ABR: variants seen among roughly 807,000 people sequenced by gnomAD.
ABR encodes the protein active breakpoint cluster region-related protein.
In ABR, 35 loss-of-function variants were observed where a neutral mutation model predicts 107.2. That is an observed-to-expected ratio of 0.33 (90% CI 0.25 to 0.43). ABR has a LOEUF of 0.43. ABR is among the 20% of genes least tolerant of loss of function. The probability of loss-of-function intolerance (pLI) is 1.00; values close to 1 mark genes in which losing one functional copy is unlikely to be tolerated. For missense variants in ABR, 815 were observed against 1,115.2 expected, an observed-to-expected ratio of 0.73 and a Z score of 3.83; for synonymous variants, 498 against 462.0, an observed-to-expected ratio of 1.08 and a Z score of -1.00.
intron 1 of ABR, among the ~76,000 whole-genome samples, chr17:1,202,876 G>A (rs2042696075): frequency 7.9e-6 from 1 of 127,110 alleles, no homozygotes; most frequent in Non-Finnish European, 1.6e-5. Flanking sequence ...AGTAATTGCT[G>A]TTTTTGCCAT....
At chr17:1,133,243 G>A (rs1235803136) in intron 1 of ABR, among the ~76,000 whole-genome samples, 39 of 138,398 alleles carry the variant, frequency 2.8e-4, no homozygotes, top group Non-Finnish European at 1.1e-4. Flanking sequence ...ACTCCGTCTC[G>A]AAAAAAAAAA....
chr17:1,217,244 C>T (rs893672001), intron 1 of ABR, among the ~76,000 whole-genome samples: 4 of 152,198 alleles, frequency 2.6e-5, no homozygotes, highest in Admixed American at 2.6e-4. Context: ...CACCGTCCCC[C>T]CCAAGGCTGC....
intron 16 of ABR, among the ~76,000 whole-genome samples, chr17:1,017,161 C>T (rs949533627): frequency 3.9e-5 from 6 of 152,060 alleles, no homozygotes; most frequent in African/African-American, 1.5e-4. Flanking sequence ...ACACGGGAAG[C>T]GTGAGGCCAT....
At chr17:1,031,562 C>A (rs1409394679) in intron 16 of ABR, 8 of 1,068,190 alleles carry the variant, frequency 7.5e-6, no homozygotes, top group Middle Eastern at 3.5e-4. Flanking sequence ...CGCCCCCGAG[C>A]CCCCACCCCC....
intron 16 of ABR, among the ~76,000 whole-genome samples, chr17:1,034,752 G>C (rs781497253): frequency 1.3e-5 from 2 of 152,138 alleles, no homozygotes; most frequent in African/African-American, 4.8e-5. Context: ...CTGGTGCCGT[G>C]ACTTAACTTC....
At chr17:1,168,198 A>G (rs1196652664) in intron 1 of ABR, among the ~76,000 whole-genome samples, 3 of 152,178 alleles carry the variant, frequency 2.0e-5, no homozygotes, top group East Asian at 3.9e-4. Context: ...AGGCAGGAGA[A>G]TCACTGGAAC....
At chr17:1,132,568 G>A (rs181872953) in intron 1 of ABR, among the ~76,000 whole-genome samples, 4 of 151,884 alleles carry the variant, frequency 2.6e-5, no homozygotes, top group East Asian at 2.0e-4. Context: ...TAGTAAAGAC[G>A]GGGTTTCACC....
intron 16 of ABR, among the ~76,000 whole-genome samples, chr17:1,020,282 C>T (rs954409881): frequency 7.9e-5 from 12 of 152,188 alleles, no homozygotes; most frequent in South Asian, 4.1e-4. Context: ...GGGGTTTCAC[C>T]GTGTTGGCCA....
upstream of ABR, among the ~76,000 whole-genome samples, chr17:1,189,093 G>A (rs1334208599): frequency 2.0e-5 from 3 of 152,144 alleles, no homozygotes; most frequent in African/African-American, 4.8e-5. Flanking sequence ...GAGCTGGCAC[G>A]AGAAACTAGC....
chr17:1,108,921 G>A (rs764513539), intron 2 of ABR: 190 of 1,583,634 alleles, frequency 1.2e-4, no homozygotes, highest in South Asian at 5.8e-4. Context: ...CCCAGGGCGT[G>A]TCACGCTCCC....
intron 1 of ABR, among the ~76,000 whole-genome samples, chr17:1,158,073 C>T (rs1446070689): frequency 6.6e-6 from 1 of 152,080 alleles, no homozygotes; most frequent in African/African-American, 2.4e-5. Flanking sequence ...AGCGTGACCA[C>T]CCCTGAGTAA....
intron 3 of ABR, among the ~76,000 whole-genome samples, chr17:1,098,724 G>C (rs1400234207): frequency 6.6e-6 from 1 of 152,186 alleles, no homozygotes; most frequent in Non-Finnish European, 1.5e-5. Flanking sequence ...CCCCTCACTT[G>C]GAAAACAGCT....
intron 10 of ABR, among the ~76,000 whole-genome samples, chr17:1,064,750 A>G (rs1456214547): frequency 9.7e-5 from 12 of 124,002 alleles, no homozygotes; most frequent in East Asian, 5.0e-4. Flanking sequence ...TCCTCTAGAC[A>G]CTGTTGTTAT....
chr17:1,112,078 C>T (rs1268356919), intron 2 of ABR, among the ~76,000 whole-genome samples: 1 of 152,240 alleles, frequency 6.6e-6, no homozygotes, highest in African/African-American at 2.4e-5. Context: ...CACCACCCCA[C>T]CAAGCTTTAG....
intron 10 of ABR, among the ~76,000 whole-genome samples, chr17:1,060,352 G>C (rs1027543153): frequency 1.3e-5 from 2 of 152,112 alleles, no homozygotes; most frequent in African/African-American, 4.8e-5. Context: ...GGAAGTTCCA[G>C]TGAGCCCAAA....
chr17:1,209,209 T>G (rs189197123), intron 1 of ABR, among the ~76,000 whole-genome samples: 6 of 152,216 alleles, frequency 3.9e-5, no homozygotes, highest in Admixed American at 3.9e-4. Flanking sequence ...ATACAGTGTT[T>G]TACTCTCTGC....
At chr17:1,180,816 G>A (rs80281848), upstream of ABR, among the ~76,000 whole-genome samples, 1 of 152,202 alleles carries the variant, frequency 6.6e-6, no homozygotes, top group African/African-American at 2.4e-5. Context: ...CCCCATGCCT[G>A]TCTCCTGTGG....
rs185698266 is a variant in ABR, at chr17:1,175,919, G to A, written c.61+3748C>T. On this transcript the variant is annotated intron_variant, in intron 1 of 22. Coordinates refer to ENST00000302538, the MANE Select transcript of ABR (RefSeq NM_021962.5). ...ATCCTGGCCAACACGGTGAAACCCC[G>A]TCTCTACTAAAAACACAAAAAATTA... Among the ~76,000 whole-genome samples, 635 of 152,054 alleles carry A rather than the reference G, an allele frequency of 4.2e-3. 1 individual carries two copies. The highest frequency in any genetic ancestry group is 6.8e-3 in the Non-Finnish European group (462 of 67,964).
intron 2 of ABR, chr17:1,115,263 G>A (rs1442163042): frequency 6.6e-6 from 1 of 152,390 alleles, no homozygotes; most frequent in African/African-American, 2.4e-5. Flanking sequence ...TGGGGCCCCA[G>A]CTGATGACTC....
Sources: gnomAD v4.1 joint callset for allele counts (sites outside exome capture counted in the v4.1 genomes callset) on GRCh38, gnomAD v4.1.1 for gene constraint, MANE v1.5 for transcripts, NCBI Gene and HGNC (gene_info 2026-07-23, HGNC 2026-07-21) for gene names.